Variants in NEK10 observed in about 807,000 individuals in gnomAD.
NEK10 encodes serine/threonine-protein kinase Nek10.
In NEK10, 122 loss-of-function variants were observed where a neutral mutation model predicts 159.8. That is an observed-to-expected ratio of 0.76 (90% CI 0.66 to 0.89). NEK10 has a LOEUF of 0.89. Among genes scored for constraint, NEK10 ranks in the 40% least tolerant of loss-of-function variants. The pLI is 0.00. For missense variants in NEK10, 1,342 were observed against 1,323.1 expected, an observed-to-expected ratio of 1.01 and a Z score of -0.22; for synonymous variants, 466 against 457.1, an observed-to-expected ratio of 1.02 and a Z score of -0.25.
chr3:27,293,367 T>G (rs904007087), intron 16 of NEK10, among the ~76,000 whole-genome samples: 3 of 152,202 alleles, frequency 2.0e-5, no homozygotes. Context: ...GATATAGCAA[T>G]TTATGCTCTT....
At chr3:27,164,372 C>A (rs528878776) in intron 29 of NEK10, among the ~76,000 whole-genome samples, 1 of 152,164 alleles carries the variant, frequency 6.6e-6, no homozygotes, top group Non-Finnish European at 1.5e-5. Flanking sequence ...GCCCCTTACC[C>A]TTCTAGATGA....
intron 23 of NEK10, among the ~76,000 whole-genome samples, chr3:27,211,021 AAG>A (rs1444935143): frequency 6.6e-6 from 1 of 152,242 alleles, no homozygotes; most frequent in African/African-American, 2.4e-5. Flanking sequence ...TAAAAAGCAG[AAG>A]AGACTGACAC....
intron 30 of NEK10, chr3:27,162,464 G>T: frequency 6.2e-7 from 1 of 1,614,050 alleles, no homozygotes; most frequent in Non-Finnish European, 8.5e-7. Flanking sequence ...GTACTACCAT[G>T]ATCTTTGAGA....
At chr3:27,164,767 T>C (rs1380108636) in intron 29 of NEK10, among the ~76,000 whole-genome samples, 2 of 152,182 alleles carry the variant, frequency 1.3e-5, no homozygotes, top group Non-Finnish European at 2.9e-5. Flanking sequence ...TCCCACTCTC[T>C]TAAAAAGTGA....
At chr3:27,139,099 G>A (rs1196580078) in intron 31 of NEK10, among the ~76,000 whole-genome samples, 3 of 151,966 alleles carry the variant, frequency 2.0e-5, no homozygotes, top group South Asian at 2.1e-4. Flanking sequence ...AAATTTAATC[G>A]AGCAGCTTAC....
At chr3:27,275,301 C>T (rs760852469) in intron 22 of NEK10, among the ~76,000 whole-genome samples, 23 of 152,290 alleles carry the variant, frequency 1.5e-4, no homozygotes, top group Non-Finnish European at 2.6e-4. Context: ...TAAAGTACTT[C>T]AGAAATTGGA....
intron 5 of NEK10, among the ~76,000 whole-genome samples, chr3:27,332,147 C>G (rs2046464414): frequency 6.6e-6 from 1 of 152,044 alleles, no homozygotes; most frequent in East Asian, 1.9e-4. Flanking sequence ...TATTAAAGAG[C>G]AGGAGGAAAG....
intron 20 of NEK10, among the ~76,000 whole-genome samples, chr3:27,286,085 T>TTTC (rs1488597993): frequency 7.9e-6 from 1 of 126,644 alleles, no homozygotes; most frequent in African/African-American, 3.2e-5. Flanking sequence ...AATTCTTTTT[T>TTTC]TTTTTTTTTT....
chr3:27,255,637 C>G (rs1439017616), intron 23 of NEK10, among the ~76,000 whole-genome samples: 1 of 152,110 alleles, frequency 6.6e-6, no homozygotes, highest in Non-Finnish European at 1.5e-5. Context: ...GACATGTGAT[C>G]AGCAAAAGAA....
chr3:27,205,019 G>A (rs1244627092), intron 23 of NEK10, among the ~76,000 whole-genome samples: 2 of 150,530 alleles, frequency 1.3e-5, no homozygotes, highest in African/African-American at 2.4e-5. Context: ...GTGTGAGATG[G>A]TATCTCATAG....
chr3:27,106,742 G>A lies in NEK10; in HGVS notation c.*4530C>T, dbSNP rs775105722. ...TTTTTCACATGTTTGCAAAAACTTC[G>A]GCTAATTTTTCATTTGTGAACTCAC... is the stretch of plus-strand genomic sequence containing the variant. On this transcript the variant is annotated 3_prime_UTR_variant, in exon 36 of 36. Transcript: ENST00000691995. Among the ~76,000 whole-genome samples the A allele has an allele frequency of 6.6e-6, 1 of 152,044 alleles. No individual in the cohort carries two copies. Among genetic ancestry groups the A allele is most frequent in the African/African-American group, 2.4e-5 (1 of 41,416 alleles).
intron 3 of NEK10, 36 bp from the exon 4 acceptor site, chr3:27,346,252 C>A: frequency 6.2e-7 from 1 of 1,610,080 alleles, no homozygotes; most frequent in Non-Finnish European, 8.5e-7. Context: ...ATGAGGATCA[C>A]AATTCAGCAC....
chr3:27,308,659 G>A (rs564053146), intron 10 of NEK10, among the ~76,000 whole-genome samples: 82 of 152,242 alleles, frequency 5.4e-4, no homozygotes, highest in African/African-American at 1.8e-3. Context: ...TGGTAATTTT[G>A]AAATTAGAAG....
At chr3:27,333,618 G>A (rs1426775356) in intron 5 of NEK10, among the ~76,000 whole-genome samples, 2 of 152,104 alleles carry the variant, frequency 1.3e-5, no homozygotes, top group Non-Finnish European at 2.9e-5. Context: ...CACCAGGGCT[G>A]AGGTGCGGGA....
chr3:27,228,691 G>A (rs1356227256), intron 23 of NEK10, among the ~76,000 whole-genome samples: 3 of 152,132 alleles, frequency 2.0e-5, no homozygotes, highest in Admixed American at 6.6e-5. Flanking sequence ...TAGCCCCACA[G>A]GAGGAGCACT....
intron 25 of NEK10, 107 bp from the exon 26 acceptor site, chr3:27,192,349 C>T: frequency 5.2e-6 from 4 of 766,182 alleles, no homozygotes; most frequent in Non-Finnish European, 8.7e-6. Flanking sequence ...ATGGTATTTT[C>T]ACCTAAGATA....
At position 27,352,834 on chromosome 3, in the gene NEK10, T is replaced by A; in HGVS notation, c.49A>T (p.Lys17Ter). 2 of 1,610,706 alleles carry A rather than the reference T, an allele frequency of 1.2e-6. No individual in the cohort carries two copies. The highest frequency in any genetic ancestry group is 1.7e-6 in the Non-Finnish European group (2 of 1,177,218). ...KVKTTEKSTD[K>*]QQEITIRDYS... ...TACCTGATGGTGATTTCTTGCTGTT[T>A]ATCAGTTGATTTTTCTGTGGTCTTC... is the stretch of plus-strand genomic sequence containing the variant. Residue 17 changes from lysine (K) to a stop codon, truncating the protein, a stop_gained, in exon 2 of 36, where the codon AAA (lysine) becomes TAA (stop). Transcript: ENST00000691995. LOFTEE classifies it high-confidence loss of function.
chr3:27,122,937 G>C (rs1233188186), intron 32 of NEK10, among the ~76,000 whole-genome samples: 2 of 152,102 alleles, frequency 1.3e-5, no homozygotes, highest in Non-Finnish European at 2.9e-5. Flanking sequence ...CTTAAGAACT[G>C]GAAATTCTTA....
chr3:27,312,568 T>C (rs1217590421), intron 7 of NEK10, among the ~76,000 whole-genome samples: 1 of 152,056 alleles, frequency 6.6e-6, no homozygotes. Context: ...TATAATACAT[T>C]GTATATATTT....
Sources: gnomAD v4.1 joint callset for allele counts (sites outside exome capture counted in the v4.1 genomes callset) on GRCh38, gnomAD v4.1.1 for gene constraint, MANE v1.5 for transcripts, NCBI Gene and HGNC (gene_info 2026-07-23, HGNC 2026-07-21) for gene names.